ADGRL3: variants seen among roughly 807,000 people sequenced by gnomAD.
ADGRL3 encodes the protein calcium-independent alpha-latrotoxin receptor 3.
Under a neutral mutation model 153.5 loss-of-function variants are expected in ADGRL3, and 62 were observed. The observed-to-expected ratio is 0.40, with a 90% CI of 0.33 to 0.50. The LOEUF (loss-of-function observed/expected upper bound fraction) is 0.50. ADGRL3 is among the 20% of genes least tolerant of loss of function. The probability of loss-of-function intolerance (pLI) is 0.47; values close to 1 mark genes in which losing one functional copy is unlikely to be tolerated. For synonymous variants in ADGRL3, 710 were observed against 672.5 expected (o/e 1.06, Z -0.86); for missense variants, 1,641 against 1,859.4 (o/e 0.88, Z 2.16).
At chr4:61,889,257 C>T (rs1561420554) in intron 9 of ADGRL3, among the ~76,000 whole-genome samples, 1 of 152,182 alleles carries the variant, frequency 6.6e-6, no homozygotes, top group Non-Finnish European at 1.5e-5. Flanking sequence ...GGATAAATAG[C>T]AGTTAGTTAG....
At chr4:61,740,444 A>T (rs1364233835) in intron 8 of ADGRL3, among the ~76,000 whole-genome samples, 4 of 152,272 alleles carry the variant, frequency 2.6e-5, no homozygotes, top group African/African-American at 7.2e-5. Flanking sequence ...GTTTTGACTG[A>T]CTTTCACCTT....
chr4:61,847,604 TAA>T (rs2098132649), intron 9 of ADGRL3, among the ~76,000 whole-genome samples: 3 of 67,284 alleles, frequency 4.5e-5, no homozygotes, highest in East Asian at 8.3e-4. Flanking sequence ...ATATAATATA[TAA>T]TATATTATAT....
chr4:61,763,781 G>A (rs988177425), intron 8 of ADGRL3, among the ~76,000 whole-genome samples: 1 of 151,986 alleles, frequency 6.6e-6, no homozygotes, highest in Non-Finnish European at 1.5e-5. Context: ...TAATTCTAAG[G>A]TTGAAAGTTA....
intron 5 of ADGRL3, among the ~76,000 whole-genome samples, chr4:61,636,345 T>C (rs1328763032): frequency 6.6e-6 from 1 of 152,090 alleles, no homozygotes; most frequent in African/African-American, 2.4e-5. Context: ...CAGTAAAGGA[T>C]TTTAAAATTC....
intron 5 of ADGRL3, among the ~76,000 whole-genome samples, chr4:61,646,557 G>T (rs7681075): frequency 6.8e-6 from 1 of 147,998 alleles, no homozygotes; most frequent in East Asian, 1.9e-4. Context: ...CAGTCTGCCC[G>T]TACTGAGGGG....
chr4:61,870,761 A>C (rs150375118), intron 9 of ADGRL3, among the ~76,000 whole-genome samples: 121 of 152,296 alleles, frequency 7.9e-4, no homozygotes, highest in African/African-American at 2.9e-3. Context: ...CAAAATCACT[A>C]GATGACCTGT....
intron 21 of ADGRL3, among the ~76,000 whole-genome samples, chr4:62,005,967 T>TACACACACACACACACAC (rs59783179): frequency 3.0e-5 from 2 of 67,708 alleles, no homozygotes; most frequent in Non-Finnish European, 5.1e-5. Context: ...TATATACACA[T>TACACACACACACACACAC]ACACACACAC....
chr4:61,925,848 A>G (rs2098792060), intron 13 of ADGRL3, among the ~76,000 whole-genome samples: 1 of 152,224 alleles, frequency 6.6e-6, no homozygotes, highest in African/African-American at 2.4e-5. Flanking sequence ...ATATGTGAAT[A>G]TCAGATATCT....
chr4:61,733,457 T>C lies in ADGRL3; in HGVS notation c.1302T>C (p.Ala434=). ...PFPNSYQYIA[A]VDYNPRDNLL... ...CTAATTCATACCAGTACATTGCAGCTGTGGATTACAACCCCAGGGACAACC... is the reference window on the plus strand; with the variant it reads ...CTAATTCATACCAGTACATTGCAGCCGTGGATTACAACCCCAGGGACAACC... The change falls in exon 8 of 27, where the codon GCT becomes GCC. Residue 434 remains alanine, a synonymous_variant. Coordinates refer to ENST00000683033, the MANE Select transcript of ADGRL3 (RefSeq NM_001387552.1). 1 of 1,613,638 alleles carries C rather than the reference T, an allele frequency of 6.2e-7. No homozygotes were observed. The highest frequency in any genetic ancestry group is 8.5e-7 in the Non-Finnish European group (1 of 1,179,696).
chr4:61,251,197 G>A (rs1413744488), intron 1 of ADGRL3, among the ~76,000 whole-genome samples: 2 of 152,142 alleles, frequency 1.3e-5, no homozygotes, highest in African/African-American at 4.8e-5. Flanking sequence ...GGCAGAGTGG[G>A]CCTCAGACGT....
rs138742514 is a variant in ADGRL3 at position 61,813,177 on chromosome 4, G to A, written c.1400-632G>A. Among the ~76,000 whole-genome samples, 1,211 of 152,122 alleles carry A rather than the reference G, an allele frequency of 8.0e-3. 13 individuals carry two copies. The highest frequency in any genetic ancestry group is 0.025 in the African/African-American group (1,017 of 41,476). On this transcript the variant is annotated intron_variant, in intron 8 of 26. Coordinates refer to ENST00000683033, the MANE Select transcript of ADGRL3 (RefSeq NM_001387552.1). ...TGGGAGGCCAAGGCGAGTGGATCACGAGGTCAGGAGTTCAAGACCAGCCTG... is the reference window on the plus strand; with the variant it reads ...TGGGAGGCCAAGGCGAGTGGATCACAAGGTCAGGAGTTCAAGACCAGCCTG...
At chr4:61,699,271 G>A (rs1200400687) in intron 6 of ADGRL3, among the ~76,000 whole-genome samples, 1 of 151,956 alleles carries the variant, frequency 6.6e-6, no homozygotes, top group East Asian at 1.9e-4. Flanking sequence ...ACTGAGGGAA[G>A]GGTGATTAAG....
At chr4:61,372,016 T>C (rs1249285409) in intron 1 of ADGRL3, among the ~76,000 whole-genome samples, 1 of 152,228 alleles carries the variant, frequency 6.6e-6, no homozygotes, top group East Asian at 1.9e-4. Flanking sequence ...CTCCAGTTGA[T>C]GGTATCGGCT....
chr4:61,472,455 C>T (rs2097971249), intron 2 of ADGRL3, among the ~76,000 whole-genome samples: 1 of 152,026 alleles, frequency 6.6e-6, no homozygotes, highest in South Asian at 2.1e-4. Context: ...TCATGCAGGC[C>T]TCTTTATAGG....
At chr4:61,439,071 C>T (rs1010804244) in intron 2 of ADGRL3, among the ~76,000 whole-genome samples, 3 of 152,044 alleles carry the variant, frequency 2.0e-5, no homozygotes, top group Non-Finnish European at 4.4e-5. Flanking sequence ...AAAAAAGATA[C>T]TGAGCTAAGT....
Position 62,021,868 on chromosome 4 carries a change from C to G in ADGRL3, c.3396-6987C>G, listed in dbSNP as rs961942440. ...CGACCAGCTGTTCTTCTGTCTTTTC[C>G]TCTGCCTCTCCTTGGGTTCCCCTCT... On this transcript the variant is annotated intron_variant, in intron 21 of 26. Transcript: ENST00000683033. 2.6e-5 allele frequency among the ~76,000 whole-genome samples: 4 copies of G among 152,100 alleles called. No individual in the cohort carries two copies. In the South Asian group the frequency reaches 8.3e-4, roughly 32 times the overall value.
At chr4:61,396,576 T>C (rs952207031) in intron 2 of ADGRL3, among the ~76,000 whole-genome samples, 66 of 151,944 alleles carry the variant, frequency 4.3e-4, no homozygotes, top group Admixed American at 4.3e-3. Flanking sequence ...TTAAGGACTT[T>C]GACCTCTAAC....
At chr4:61,922,560 T>TTAC (rs1421540580) in intron 13 of ADGRL3, among the ~76,000 whole-genome samples, 3 of 152,232 alleles carry the variant, frequency 2.0e-5, no homozygotes, top group Non-Finnish European at 4.4e-5. Context: ...CTATCCAGGA[T>TTAC]ATCATATTAC....
intron 1 of ADGRL3, among the ~76,000 whole-genome samples, chr4:61,366,494 A>C (rs1345512406): frequency 6.6e-6 from 1 of 152,210 alleles, no homozygotes; most frequent in Non-Finnish European, 1.5e-5. Context: ...CATCTAAGCA[A>C]ATAAAGCGGA....
Sources: allele counts gnomAD v4.1 joint callset (sites outside exome capture counted in the v4.1 genomes callset), GRCh38; gene constraint gnomAD v4.1.1; transcripts MANE v1.5; gene names NCBI Gene and HGNC (gene_info 2026-07-23, HGNC 2026-07-21).